The following OPCML variants were observed in gnomAD, a reference collection of about 807,000 sequenced individuals.
OPCML encodes the protein opioid-binding protein/cell adhesion molecule.
A neutral mutation model predicts 37.8 loss-of-function variants in OPCML; 13 were observed. That is an observed-to-expected ratio of 0.34 (90% confidence interval 0.22 to 0.55). The LOEUF is 0.55. Among genes scored for constraint, OPCML ranks in the 20% least tolerant of loss-of-function variants. The pLI is 0.91. For missense variants in OPCML, 341 were observed against 435.6 expected, an observed-to-expected ratio of 0.78 and a Z score of 1.93; for synonymous variants, 176 against 168.8, an observed-to-expected ratio of 1.04 and a Z score of -0.33.
Position 133,048,596 on chromosome 11 carries a change from TG to T in OPCML, c.62-105587del, listed in dbSNP as rs552088422. On this transcript the variant is annotated intron_variant, in intron 1 of 7. Transcript: ENST00000524381. The stretch of plus-strand genomic sequence containing the variant: ...GAAGAGATGAAAGTCTCTCTTTGTC[TG>T]TGCCACTTACTTACTTAGAAACAAA... Among the ~76,000 whole-genome samples, 12 of 152,366 alleles carry T rather than the reference TG, an allele frequency of 7.9e-5. No homozygotes were observed. In the South Asian group the frequency reaches 2.5e-3, roughly 32 times the overall value.
rs573254305 is a variant in OPCML, at chr11:133,444,054, C to T, written c.61+88210G>A. ...TCAGAAGGATTACAGCACTGAGATA[C>T]TGGCTTTCCCCTCTATTTGCACTGG... On this transcript the variant is annotated intron_variant, in intron 1 of 7. Transcript: ENST00000524381. Among the ~76,000 whole-genome samples, 4 of 152,276 alleles carry T rather than the reference C, an allele frequency of 2.6e-5. No homozygotes were observed. In the East Asian group the frequency reaches 7.7e-4, roughly 29 times the overall value.
chr11:133,388,629 G>A (rs942033586), intron 1 of OPCML, among the ~76,000 whole-genome samples: 2 of 152,180 alleles, frequency 1.3e-5, no homozygotes, highest in Non-Finnish European at 2.9e-5. Context: ...CCAGGAGGTA[G>A]GTTTCTTCTA....
chr11:133,358,920 G>A (rs1327569322), intron 1 of OPCML, among the ~76,000 whole-genome samples: 6 of 152,064 alleles, frequency 3.9e-5, no homozygotes, highest in Admixed American at 1.3e-4. Context: ...ACAGAGACCA[G>A]CGTGGCTGGG....
intron 3 of OPCML, among the ~76,000 whole-genome samples, chr11:132,553,757 G>A (rs532019326): frequency 2.6e-5 from 4 of 152,172 alleles, no homozygotes; most frequent in East Asian, 1.9e-4. Context: ...CTGATAATGC[G>A]GAATGAATAA....
intron 1 of OPCML, among the ~76,000 whole-genome samples, chr11:133,474,938 G>A (rs138471596): frequency 8.5e-5 from 13 of 152,276 alleles, no homozygotes; most frequent in African/African-American, 3.1e-4. Context: ...GCACACATAT[G>A]GGAGGGAATG....
chr11:132,497,660 C>A (rs1320152352), intron 4 of OPCML, among the ~76,000 whole-genome samples: 1 of 151,930 alleles, frequency 6.6e-6, no homozygotes, highest in African/African-American at 2.4e-5. Flanking sequence ...GAGTATTTTC[C>A]CTATGGTAAA....
chr11:132,514,721 A>C (rs1422470085), intron 4 of OPCML, among the ~76,000 whole-genome samples: 1 of 152,162 alleles, frequency 6.6e-6, no homozygotes, highest in Non-Finnish European at 1.5e-5. Flanking sequence ...TGCCAAAAAG[A>C]TACAAAGTGT....
rs148990907 is a variant in OPCML at position 132,760,702 on chromosome 11, G to A, written c.147-103383C>T. ...TTTGAGCCTATGTGTGTCTTTGCAC[G>A]TGAGTTGGGTCTCTTGAATACAGCA... On this transcript the variant is annotated intron_variant, in intron 2 of 7. Coordinates refer to ENST00000524381, the MANE Select transcript of OPCML (RefSeq NM_001012393.5). Among the ~76,000 whole-genome samples the A allele has an allele frequency of 5.0e-4, 76 of 151,346 alleles. No individual in the cohort carries two copies. The East Asian group carries it at 0.011, about 21-fold the overall frequency.
In OPCML at chr11:133,235,760, C is replaced by T. The variant is rs191687888; in HGVS notation, c.62-292750G>A. Among the ~76,000 whole-genome samples, 571 of 152,292 alleles carry T rather than the reference C, an allele frequency of 3.7e-3. 5 individuals are homozygous for T. The highest frequency in any genetic ancestry group is 0.012 in the African/African-American group (512 of 41,566). On this transcript the variant is annotated intron_variant, in intron 1 of 7. Coordinates refer to ENST00000524381, the MANE Select transcript of OPCML (RefSeq NM_001012393.5). ...GATACCTGGATTTTCTGGTCAAGGT[C>T]ATTCACAGCCATTAACTCAGAGCTA...
chr11:132,493,557 C>A (rs1245468067), intron 4 of OPCML, among the ~76,000 whole-genome samples: 1 of 152,184 alleles, frequency 6.6e-6, no homozygotes, highest in East Asian at 1.9e-4. Flanking sequence ...ATTTCCCTCT[C>A]CCTTTCTGTG....
intron 1 of OPCML, among the ~76,000 whole-genome samples, chr11:133,010,540 C>T (rs1362520307): frequency 1.3e-5 from 2 of 152,134 alleles, no homozygotes; most frequent in Non-Finnish European, 2.9e-5. Flanking sequence ...AACTTAATAA[C>T]TGTGACCAAA....
chr11:133,149,366 C>T (rs1456734616), intron 1 of OPCML, among the ~76,000 whole-genome samples: 2 of 152,176 alleles, frequency 1.3e-5, no homozygotes, highest in African/African-American at 4.8e-5. Context: ...TATATTTCCC[C>T]CTGCAAATGT....
chr11:133,279,482 TG>T (rs1942080900), intron 1 of OPCML, among the ~76,000 whole-genome samples: 1 of 152,222 alleles, frequency 6.6e-6, no homozygotes, highest in Non-Finnish European at 1.5e-5. Flanking sequence ...AGCAGCCGTC[TG>T]GCTAAAGACC....
chr11:132,484,606 G>T (rs2096193170), intron 4 of OPCML, among the ~76,000 whole-genome samples: 1 of 152,130 alleles, frequency 6.6e-6, no homozygotes, highest in Non-Finnish European at 1.5e-5. Context: ...CTGCTATAAA[G>T]ACACATGCAC....
chr11:133,516,464 A>G (rs902431888), intron 1 of OPCML, among the ~76,000 whole-genome samples: 1 of 152,190 alleles, frequency 6.6e-6, no homozygotes, highest in African/African-American at 2.4e-5. Context: ...GACTCCAGTC[A>G]CTTCAGGACA....
At chr11:133,113,169 G>A (rs952940700) in intron 1 of OPCML, among the ~76,000 whole-genome samples, 1 of 152,110 alleles carries the variant, frequency 6.6e-6, no homozygotes, top group African/African-American at 2.4e-5. Context: ...CCTTTCCCCA[G>A]AGCTAAACTG....
At chr11:132,882,987 T>C (rs1298504130) in intron 2 of OPCML, among the ~76,000 whole-genome samples, 1 of 152,162 alleles carries the variant, frequency 6.6e-6, no homozygotes, top group African/African-American at 2.4e-5. Flanking sequence ...ATATACAATG[T>C]GTTTATGAAA....
chr11:132,915,296 T>G (rs535787740), intron 2 of OPCML, among the ~76,000 whole-genome samples: 1 of 152,348 alleles, frequency 6.6e-6, no homozygotes, highest in South Asian at 2.1e-4. Context: ...CACAATCTGC[T>G]TTTTACCTCC....
chr11:133,140,877 A>C (rs1199352339), intron 1 of OPCML, among the ~76,000 whole-genome samples: 1 of 16,866 alleles, frequency 5.9e-5, no homozygotes, highest in African/African-American at 9.7e-5. Context: ...ACGACGAAGA[A>C]GACGACGACG....
Sources: allele counts gnomAD v4.1 joint callset (sites outside exome capture counted in the v4.1 genomes callset), GRCh38; gene constraint gnomAD v4.1.1; transcripts MANE v1.5; gene names NCBI Gene and HGNC (gene_info 2026-07-23, HGNC 2026-07-21).